Variants in PKN2 observed in about 807,000 individuals in gnomAD.
PKN2 encodes the protein serine/threonine-protein kinase N2.
PKN2 carries 38 observed loss-of-function variants against 119.1 expected under a neutral mutation model. The ratio of observed to expected loss-of-function variants is 0.32; its 90% confidence interval spans 0.25 to 0.42. The LOEUF is 0.42. Among genes scored for constraint, PKN2 ranks in the 10% least tolerant of loss-of-function variants. PKN2 has a pLI of 1.00. For missense variants in PKN2, 850 were observed against 1,165.1 expected (o/e 0.73, Z 3.94); for synonymous variants, 390 against 384.9 (o/e 1.01, Z -0.15).
chr1:88,774,198 C>T (rs1669999633), intron 6 of PKN2, among the ~76,000 whole-genome samples: 1 of 152,208 alleles, frequency 6.6e-6, no homozygotes, highest in Non-Finnish European at 1.5e-5. Flanking sequence ...CCTCCTAACA[C>T]ATCAATGTCT....
Position 88,760,360 on chromosome 1 carries a change from C to A in PKN2, c.488C>A (p.Ser163Ter). The A allele has an allele frequency of 6.5e-7, 1 of 1,530,424 alleles. No individual in the cohort carries two copies. Among genetic ancestry groups the A allele is most frequent in the Non-Finnish European group, 8.9e-7 (1 of 1,119,912 alleles). The allele number at this position is 1,530,424 out of a possible 1,614,324, so 94.8% of individuals were successfully genotyped here. ...QGAENMIQMY[S>*]NGSSKDRKLH... ...GCAGAGAATATGATACAGATGTATT[C>A]AAATGGATCTTCAAAGGTAAGTGTA... Residue 163 changes from serine (S) to a stop codon, truncating the protein, a stop_gained, in exon 3 of 22, where the codon TCA becomes TAA. Coordinates refer to ENST00000370521, the MANE Select transcript of PKN2 (RefSeq NM_006256.4). LOFTEE classifies it high-confidence loss of function.
intron 1 of PKN2, among the ~76,000 whole-genome samples, chr1:88,688,152 C>A (rs1666181481): frequency 6.6e-6 from 1 of 151,602 alleles, no homozygotes; most frequent in Non-Finnish European, 1.5e-5. Context: ...GTGGTGTGAT[C>A]TCTGCTCACT....
At chr1:88,778,264 C>A (rs571243986) in intron 6 of PKN2, among the ~76,000 whole-genome samples, 2 of 152,246 alleles carry the variant, frequency 1.3e-5, no homozygotes, top group East Asian at 3.8e-4. Context: ...TAAATTGAGA[C>A]CTGTCTCAGA....
At chr1:88,813,190 C>T (rs959286353) in intron 15 of PKN2, among the ~76,000 whole-genome samples, 6 of 152,100 alleles carry the variant, frequency 3.9e-5, no homozygotes, top group Admixed American at 3.3e-4. Context: ...TCACCACAAA[C>T]TTTTAAATTT....
At chr1:88,735,816 T>C (rs1668326076) in intron 1 of PKN2, among the ~76,000 whole-genome samples, 1 of 152,152 alleles carries the variant, frequency 6.6e-6, no homozygotes, top group East Asian at 1.9e-4. Context: ...TACACTTATT[T>C]GGGCTGTATC....
chr1:88,833,015 C>T (rs1249934094), intron 20 of PKN2, 62 bp from the exon 21 acceptor site: 2 of 1,435,242 alleles, frequency 1.4e-6, no homozygotes, highest in Non-Finnish European at 1.9e-6. Context: ...AAGTAATAAT[C>T]CTTATCAGTG....
At chr1:88,744,993 G>A (rs1031872651) in intron 2 of PKN2, among the ~76,000 whole-genome samples, 2 of 152,126 alleles carry the variant, frequency 1.3e-5, no homozygotes, top group Admixed American at 1.3e-4. Flanking sequence ...CTTTAAAGAT[G>A]ATCATATGAT....
chr1:88,711,028 A>G (rs540450084), intron 1 of PKN2, among the ~76,000 whole-genome samples: 27 of 152,208 alleles, frequency 1.8e-4, no homozygotes, highest in South Asian at 1.7e-3. Flanking sequence ...GCCCTTAGCA[A>G]ACTAACACAG....
At chr1:88,783,016 T>C (rs1320215229) in intron 6 of PKN2, among the ~76,000 whole-genome samples, 1 of 152,248 alleles carries the variant, frequency 6.6e-6, no homozygotes, top group Non-Finnish European at 1.5e-5. Context: ...GTAATTATTC[T>C]CTACTGCTGG....
intron 8 of PKN2, among the ~76,000 whole-genome samples, chr1:88,793,609 T>C (rs1011336796): frequency 1.2e-4 from 19 of 152,188 alleles, no homozygotes; most frequent in Admixed American, 2.0e-4. Context: ...ATTTAAAATA[T>C]CTGCATACAG....
chr1:88,814,441 T>C (rs991671958), intron 16 of PKN2, among the ~76,000 whole-genome samples: 1 of 152,152 alleles, frequency 6.6e-6, no homozygotes, highest in Non-Finnish European at 1.5e-5. Flanking sequence ...GAAAGTGATA[T>C]TAATACCTAC....
chr1:88,771,642 A>G (rs1319871873), intron 5 of PKN2, 21 bp from the exon 6 acceptor site: 15 of 1,601,072 alleles, frequency 9.4e-6, no homozygotes, highest in East Asian at 2.2e-5. Context: ...AATGACAACA[A>G]TTGTCTTTTC....
intron 1 of PKN2, among the ~76,000 whole-genome samples, chr1:88,686,604 A>G (rs1365088213): frequency 6.6e-6 from 1 of 151,994 alleles, no homozygotes; most frequent in Non-Finnish European, 1.5e-5. Flanking sequence ...TATCCAAGTC[A>G]TTTTCTTGGT....
chr1:88,800,863 C>CT, intron 8 of PKN2, among the ~76,000 whole-genome samples: 1 of 152,180 alleles, frequency 6.6e-6, no homozygotes, highest in East Asian at 1.9e-4. Flanking sequence ...GCAGTTTTCT[C>CT]TTTGATTCTA....
At chr1:88,706,311 T>A (rs912180950) in intron 1 of PKN2, among the ~76,000 whole-genome samples, 1 of 152,216 alleles carries the variant, frequency 6.6e-6, no homozygotes, top group Non-Finnish European at 1.5e-5. Flanking sequence ...GAAGTACAAT[T>A]GATTTTTCCA....
rs1237147030 is a variant in PKN2 at position 88,835,304 on chromosome 1, T to G, written c.*1856T>G. The G allele has an allele frequency of 2.0e-5, 3 of 152,492 alleles. 1 individual carries two copies. Among genetic ancestry groups the G allele is most frequent in the Non-Finnish European group, 4.4e-5 (3 of 67,930 alleles). 9.4% of individuals were successfully genotyped at this position (152,492 alleles called of 1,614,324 possible). A position where few individuals can be genotyped will look rare whatever the true frequency, so the allele number is the denominator to read the frequency against. On this transcript the variant is annotated 3_prime_UTR_variant, in exon 22 of 22. Coordinates refer to ENST00000370521, the MANE Select transcript of PKN2 (RefSeq NM_006256.4). ...CTTAGCTTAATTGTCTGGCTTTAAT[T>G]TAAACTGTGTTAATACAACATTAAA...
chr1:88,809,395 A>G (rs1353396276), intron 15 of PKN2, among the ~76,000 whole-genome samples: 1 of 152,186 alleles, frequency 6.6e-6, no homozygotes, highest in Non-Finnish European at 1.5e-5. Context: ...TTCCTGAAGG[A>G]ATATTTGCTT....
intron 3 of PKN2, among the ~76,000 whole-genome samples, chr1:88,768,288 T>C (rs1557597957): frequency 6.6e-6 from 1 of 152,230 alleles, no homozygotes; most frequent in East Asian, 1.9e-4. Flanking sequence ...AGTTATTTTG[T>C]CTGAAGTGAA....
At chr1:88,765,584 A>G (rs906032528) in intron 3 of PKN2, among the ~76,000 whole-genome samples, 3 of 152,160 alleles carry the variant, frequency 2.0e-5, no homozygotes, top group Non-Finnish European at 4.4e-5. Context: ...CACGACAATC[A>G]AGTTACTTCC....
Sources: allele counts gnomAD v4.1 joint callset (sites outside exome capture counted in the v4.1 genomes callset), GRCh38; gene constraint gnomAD v4.1.1; transcripts MANE v1.5; gene names NCBI Gene and HGNC (gene_info 2026-07-23, HGNC 2026-07-21).